Variants in NAALADL2 observed in about 807,000 individuals in gnomAD.
NAALADL2 encodes inactive N-acetylated-alpha-linked acidic dipeptidase-like protein 2.
In NAALADL2, 76 loss-of-function variants were observed where a neutral mutation model predicts 87.2. The observed-to-expected ratio is 0.87, with a 90% confidence interval of 0.72 to 1.05. The LOEUF (loss-of-function observed/expected upper bound fraction) is 1.05. Ranked by LOEUF, NAALADL2 falls within the 50% of genes least tolerant of loss-of-function variation. The probability of loss-of-function intolerance (pLI) is 0.00; values close to 1 mark genes in which losing one functional copy is unlikely to be tolerated. For missense variants in NAALADL2, 1,089 were observed against 945.8 expected (o/e 1.15, Z -1.99); for synonymous variants, 354 against 331.0 (o/e 1.07, Z -0.75).
chr3:175,315,601 T>C (rs540999288), intron 4 of NAALADL2, among the ~76,000 whole-genome samples: 1 of 152,326 alleles, frequency 6.6e-6, no homozygotes, highest in African/African-American at 2.4e-5. Context: ...TAACCCTGTA[T>C]GATTATGCAA....
chr3:174,885,207 C>A lies in NAALADL2; in HGVS notation c.43+25757C>A, dbSNP rs151068363. Among the ~76,000 whole-genome samples, 362 of 152,294 alleles carry A rather than the reference C, an allele frequency of 2.4e-3. 2 individuals carry two copies. The highest frequency in any genetic ancestry group is 8.4e-3 in the African/African-American group (349 of 41,568). ...TGCCCTCAGTAGACACCTGGTGAGG[C>A]TGTGCATGCACCTTTCATTGCAGGT... On this transcript the variant is annotated intron_variant, in intron 1 of 13. Transcript: ENST00000454872.
intron 2 of NAALADL2, among the ~76,000 whole-genome samples, chr3:174,661,591 A>G (rs1001834802): frequency 1.3e-5 from 2 of 151,778 alleles, no homozygotes; most frequent in Non-Finnish European, 2.9e-5. Flanking sequence ...TTTTAATGTA[A>G]TTTGTATAAA....
At chr3:174,556,925 A>G (rs1004852240) in intron 2 of NAALADL2, among the ~76,000 whole-genome samples, 2 of 152,048 alleles carry the variant, frequency 1.3e-5, no homozygotes, top group African/African-American at 2.4e-5. Context: ...TTAATGTTTT[A>G]TAGAGATGCG....
intron 5 of NAALADL2, among the ~76,000 whole-genome samples, chr3:175,441,059 C>T (rs188306293): frequency 4.2e-4 from 63 of 151,664 alleles, no homozygotes; most frequent in African/African-American, 1.5e-3. Context: ...TTTTTCTTTT[C>T]ATTTTTCTTT....
At chr3:174,469,644 A>ATGGTCTCTATCTCC (rs1273935745) in intron 1 of NAALADL2, among the ~76,000 whole-genome samples, 3 of 151,662 alleles carry the variant, frequency 2.0e-5, no homozygotes, top group African/African-American at 7.3e-5. Context: ...GTTAGCCAGG[A>ATGGTCTCTATCTCC]TGGTCTCTAT....
intron 4 of NAALADL2, among the ~76,000 whole-genome samples, chr3:175,292,561 C>A (rs1054577250): frequency 2.0e-5 from 3 of 149,460 alleles, no homozygotes; most frequent in African/African-American, 7.5e-5. Flanking sequence ...AAAATGGAGA[C>A]TCAATAAATG....
intron 10 of NAALADL2, among the ~76,000 whole-genome samples, chr3:175,586,729 G>A (rs1720589750): frequency 6.6e-6 from 1 of 152,096 alleles, no homozygotes; most frequent in Non-Finnish European, 1.5e-5. Flanking sequence ...TCTTATTAGA[G>A]CATTAGAAAT....
intron 1 of NAALADL2, among the ~76,000 whole-genome samples, chr3:174,883,733 G>A (rs1044072481): frequency 1.3e-5 from 2 of 152,072 alleles, no homozygotes; most frequent in Non-Finnish European, 2.9e-5. Flanking sequence ...TATTCCCTTT[G>A]CCTTCAGCAA....
chr3:174,528,757 A>G (rs541975756), intron 1 of NAALADL2, among the ~76,000 whole-genome samples: 2 of 152,314 alleles, frequency 1.3e-5, no homozygotes, highest in East Asian at 3.9e-4. Context: ...GGCAGATAAG[A>G]GAAGAGAGCT....
intron 2 of NAALADL2, among the ~76,000 whole-genome samples, chr3:174,608,193 A>C (rs1425368107): frequency 1.3e-5 from 2 of 151,938 alleles, no homozygotes; most frequent in African/African-American, 4.8e-5. Context: ...TTATAGCACT[A>C]AATGCCCACA....
chr3:174,826,570 G>T (rs1722021488), intron 3 of NAALADL2, among the ~76,000 whole-genome samples: 1 of 152,160 alleles, frequency 6.6e-6, no homozygotes, highest in African/African-American at 2.4e-5. Context: ...TAGACCTTCA[G>T]TGCCAGAAAT....
chr3:175,576,336 G>A, intron 10 of NAALADL2, 149 bp downstream of exon 10: 1 of 690,558 alleles, frequency 1.4e-6, no homozygotes. Context: ...TTTTTCAAAG[G>A]CTTTGTAATA....
intron 9 of NAALADL2, 118 bp from the exon 10 acceptor site, chr3:175,575,923 A>T (rs1718801469): frequency 5.0e-6 from 4 of 805,374 alleles, no homozygotes; most frequent in Non-Finnish European, 5.7e-6. Context: ...TTGCATTTTT[A>T]ACAGTCTCCA....
chr3:174,652,013 A>G (rs947320648), intron 2 of NAALADL2, among the ~76,000 whole-genome samples: 1 of 152,186 alleles, frequency 6.6e-6, no homozygotes, highest in Admixed American at 6.5e-5. Flanking sequence ...TAGGGAAGGA[A>G]GAATTGGGTG....
At chr3:175,237,505 A>C (rs1746106427) in intron 3 of NAALADL2, among the ~76,000 whole-genome samples, 1 of 152,084 alleles carries the variant, frequency 6.6e-6, no homozygotes, top group South Asian at 2.1e-4. Flanking sequence ...TCCCATTTAG[A>C]ATTATAAGTT....
intron 1 of NAALADL2, among the ~76,000 whole-genome samples, chr3:175,010,611 GA>G (rs1287859713): frequency 6.6e-6 from 1 of 152,166 alleles, no homozygotes; most frequent in Admixed American, 6.6e-5. Context: ...TTGTTTGTTT[GA>G]AGTCATGGAT....
rs200702292 is a variant in NAALADL2, at chr3:175,386,112, TA to T, written c.1091-61113del. On this transcript the variant is annotated intron_variant, in intron 5 of 13. Coordinates refer to ENST00000454872, the MANE Select transcript of NAALADL2 (RefSeq NM_207015.3). ...GGAGGCGATTCTTGACAACTGAGGC[TA>T]AAACTCTAGACAATCTCTTAATATC... Among the ~76,000 whole-genome samples, 135 of 152,204 alleles carry T rather than the reference TA, an allele frequency of 8.9e-4. 2 individuals are homozygous for T. The East Asian group carries it at 0.018, about 20-fold the overall frequency.
At chr3:174,686,100 T>C (rs1361347507) in intron 2 of NAALADL2, among the ~76,000 whole-genome samples, 1 of 152,130 alleles carries the variant, frequency 6.6e-6, no homozygotes. Flanking sequence ...TCCATATCTT[T>C]GCTATTGTGT....
At chr3:175,133,715 AGAGAGG>A (rs1351964977) in intron 2 of NAALADL2, among the ~76,000 whole-genome samples, 3 of 152,116 alleles carry the variant, frequency 2.0e-5, no homozygotes, top group Admixed American at 1.3e-4. Context: ...GACCGTGGAA[AGAGAGG>A]GAGAGGGAGA....
Sources: gnomAD v4.1 joint callset for allele counts (sites outside exome capture counted in the v4.1 genomes callset) on GRCh38, gnomAD v4.1.1 for gene constraint, MANE v1.5 for transcripts, NCBI Gene and HGNC (gene_info 2026-07-23, HGNC 2026-07-21) for gene names.